Variants in PRH1 observed in about 807,000 individuals in gnomAD.
PRH1 encodes proline rich protein HaeIII subfamily 1.
In PRH1, 7 loss-of-function variants were observed where a neutral mutation model predicts 7.9. The observed-to-expected ratio is 0.89, with a 90% CI of 0.50 to 1.67. The LOEUF is 1.67. Ranked by LOEUF, PRH1 falls within the 40% of genes most tolerant of loss-of-function variation. The probability of loss-of-function intolerance (pLI) is 0.00; values close to 1 mark genes in which losing one functional copy is unlikely to be tolerated. For missense variants in PRH1, 109 were observed against 223.6 expected, an observed-to-expected ratio of 0.49 and a Z score of 3.27; for synonymous variants, 45 against 80.8, an observed-to-expected ratio of 0.56 and a Z score of 2.38.
At position 11,093,552 on chromosome 12, in the gene PRH1, C is replaced by T. The variant is rs1176334776; in HGVS notation, n.124-46364G>A. On this transcript the variant is annotated intron_variant and non_coding_transcript_variant, in intron 1 of 4. Transcript: ENST00000541977. ...TTATTTATCAAACATATCTCTAATT[C>T]TTAGGACTTGGTAAAGTTCGTCTCA... Among the ~76,000 whole-genome samples, 8 of 115,240 alleles carry T rather than the reference C, an allele frequency of 6.9e-5. 3 individuals carry two copies. Among genetic ancestry groups the T allele is most frequent in the African/African-American group, 2.3e-4 (8 of 34,498 alleles). The allele number at this position is 115,240 out of a possible 152,430, so 75.6% of individuals were successfully genotyped here.
At chr12:10,943,108 T>C (rs936753346) in intron 2 of PRH1, among the ~76,000 whole-genome samples, 1 of 152,222 alleles carries the variant, frequency 6.6e-6, no homozygotes, top group African/African-American at 2.4e-5. Context: ...CTGTGGGTCC[T>C]CTCGCATTTC....
At chr12:11,152,548 T>C (rs1020832891) in intron 1 of PRH1, among the ~76,000 whole-genome samples, 12 of 152,178 alleles carry the variant, frequency 7.9e-5, no homozygotes, top group African/African-American at 2.9e-4. Flanking sequence ...TATATTTTAG[T>C]TTTAACTATT....
In PRH1 at chr12:10,938,217, C is replaced by A; in HGVS notation, c.-59+35438G>T. 5 of 1,365,842 alleles carry A rather than the reference C, an allele frequency of 3.7e-6. No individual in the cohort carries two copies. In the South Asian group the frequency reaches 7.1e-5, roughly 19 times the overall value. 84.6% of individuals were successfully genotyped at this position (1,365,842 alleles called of 1,614,324 possible). On this transcript the variant is annotated intron_variant, in intron 2 of 3. Transcript: ENST00000539853. ...AGGAAGTATAAATTTATATAACATA[C>A]AAGAATTTCTTAGGAGCTATTTTTT...
chr12:10,976,816 A>G (rs1285380118), intron 1 of PRH1, among the ~76,000 whole-genome samples: 1 of 152,148 alleles, frequency 6.6e-6, no homozygotes, highest in Non-Finnish European at 1.5e-5. Context: ...GAAAACCTAG[A>G]AGAAATGCAT....
chr12:10,972,568 C>T (rs1486643583), intron 2 of PRH1, among the ~76,000 whole-genome samples: 3 of 152,154 alleles, frequency 2.0e-5, no homozygotes, highest in Non-Finnish European at 4.4e-5. Context: ...CACTTGCAAG[C>T]ATGCAAATGA....
At chr12:11,109,594 A>G (rs2136300361) in intron 1 of PRH1, among the ~76,000 whole-genome samples, 1 of 152,306 alleles carries the variant, frequency 6.6e-6, no homozygotes, top group South Asian at 2.1e-4. Flanking sequence ...TGTTAGAAGG[A>G]AAATCAACAA....
intron 1 of PRH1, among the ~76,000 whole-genome samples, chr12:11,046,059 AAT>A (rs142580872): frequency 0.015 from 2,321 of 152,286 alleles, 19 homozygotes; most frequent in South Asian, 0.031. Flanking sequence ...CATCTGCCAA[AAT>A]AGTTATTTTT....
At chr12:11,155,902 T>C (rs777740340) in intron 1 of PRH1, among the ~76,000 whole-genome samples, 17 of 152,182 alleles carry the variant, frequency 1.1e-4, no homozygotes, top group Non-Finnish European at 2.2e-4. Flanking sequence ...TCACAGACAA[T>C]GAAAAGGTTA....
At chr12:11,011,705 C>T (rs1334454202) in intron 1 of PRH1, among the ~76,000 whole-genome samples, 1 of 152,066 alleles carries the variant, frequency 6.6e-6, no homozygotes, top group African/African-American at 2.4e-5. Context: ...TAGACAGAAT[C>T]CAAAGTTTTC....
intron 1 of PRH1, chr12:10,986,905 G>A (rs370832854): frequency 3.0e-6 from 4 of 1,348,418 alleles, no homozygotes; most frequent in Non-Finnish European, 3.0e-6. Context: ...TAATATCACT[G>A]GTTGTGATTT....
chr12:10,893,999 TG>T (rs1949611604), intron 2 of PRH1, among the ~76,000 whole-genome samples: 1 of 152,170 alleles, frequency 6.6e-6, no homozygotes, highest in Non-Finnish European at 1.5e-5. Flanking sequence ...GTAAACTGAT[TG>T]GTTATCCCTG....
At chr12:10,912,446 T>G (rs1208334924) in intron 2 of PRH1, among the ~76,000 whole-genome samples, 1 of 152,152 alleles carries the variant, frequency 6.6e-6, no homozygotes, top group African/African-American at 2.4e-5. Flanking sequence ...ATATATCCTT[T>G]AAATTCTTCA....
chr12:11,079,709 G>A (rs73062963), intron 1 of PRH1, among the ~76,000 whole-genome samples: 1,363 of 54,482 alleles, frequency 0.025, 10 homozygotes, highest in Non-Finnish European at 0.039. Context: ...CACATGAAGT[G>A]GATAATTAAA....
At chr12:10,968,023 A>G (rs7308469) in intron 2 of PRH1, among the ~76,000 whole-genome samples, 36,984 of 152,084 alleles carry the variant, frequency 0.24, 4,528 homozygotes, top group Non-Finnish European at 0.25. Flanking sequence ...GGAGGTTGCA[A>G]TGAGCTGAGA....
chr12:10,965,440 A>G (rs1938456923), intron 2 of PRH1: 1 of 498,630 alleles, frequency 2.0e-6, no homozygotes. Context: ...TTTTATGTGG[A>G]CCTGATTTCT....
At chr12:11,045,514 T>A (rs1195325199) in intron 1 of PRH1, among the ~76,000 whole-genome samples, 2 of 152,122 alleles carry the variant, frequency 1.3e-5, no homozygotes, top group East Asian at 3.8e-4. Flanking sequence ...CATGCCTGTA[T>A]CAACACATCT....
chr12:11,003,903 T>C (rs1010058313), intron 1 of PRH1, among the ~76,000 whole-genome samples: 2 of 152,034 alleles, frequency 1.3e-5, no homozygotes, highest in African/African-American at 2.4e-5. Context: ...GATTGCTGTA[T>C]AGCATTCTGT....
chr12:10,993,309 T>C (rs1940034724), intron 1 of PRH1, among the ~76,000 whole-genome samples: 1 of 152,198 alleles, frequency 6.6e-6, no homozygotes, highest in Non-Finnish European at 1.5e-5. Flanking sequence ...CATGGCTACG[T>C]CACTTCTGTT....
chr12:11,063,657 G>T (rs969768090), intron 1 of PRH1, among the ~76,000 whole-genome samples: 1 of 152,082 alleles, frequency 6.6e-6, no homozygotes, highest in African/African-American at 2.4e-5. Context: ...GCTAAACCAA[G>T]AGTGTGGGAA....
Sources: allele counts gnomAD v4.1 joint callset (sites outside exome capture counted in the v4.1 genomes callset), GRCh38; gene constraint gnomAD v4.1.1; transcripts MANE v1.5; gene names NCBI Gene and HGNC (gene_info 2026-07-23, HGNC 2026-07-21).